Variants in XNDC1N observed in about 807,000 individuals in gnomAD.
XNDC1N encodes the protein protein XNDC1N.
At chr11:71,905,574 A>G in the XNDC1N span, among the ~76,000 whole-genome samples, 25 of 152,018 alleles carry the variant, frequency 1.6e-4, no homozygotes, top group African/African-American at 5.1e-4. Context: ...TGATATCACA[A>G]GGTGTACACT....
At chr11:71,925,284 T>C in the XNDC1N span, among the ~76,000 whole-genome samples, 3 of 152,008 alleles carry the variant, frequency 2.0e-5, no homozygotes. Flanking sequence ...GTGTACCCAA[T>C]GTAAAAGGGA....
the XNDC1N span, among the ~76,000 whole-genome samples, chr11:71,867,714 T>A: frequency 1.3e-5 from 2 of 152,228 alleles, no homozygotes; most frequent in Non-Finnish European, 1.5e-5. Context: ...GCCAATCACA[T>A]GGTTGATTTT....
chr11:71,893,900 T>A, the XNDC1N span: 3 of 980,388 alleles, frequency 3.1e-6, no homozygotes, highest in Non-Finnish European at 4.3e-6. Flanking sequence ...TGTGTCTTCT[T>A]CGTTTTGGTG....
chr11:71,881,381 T>G, the XNDC1N span, among the ~76,000 whole-genome samples: 6,834 of 152,238 alleles, frequency 0.045, 523 homozygotes, highest in African/African-American at 0.16. Flanking sequence ...AAGTACCACA[T>G]AATGGGTGCC....
At chr11:71,894,789 T>C in the XNDC1N span, among the ~76,000 whole-genome samples, 1 of 152,236 alleles carries the variant, frequency 6.6e-6, no homozygotes, top group African/African-American at 2.4e-5. Context: ...CATTGGTTGT[T>C]CAAAGTTATG....
At chr11:71,926,793 G>C in the XNDC1N span, among the ~76,000 whole-genome samples, 2 of 150,530 alleles carry the variant, frequency 1.3e-5, no homozygotes, top group East Asian at 2.0e-4. Flanking sequence ...CCCAGCTACT[G>C]AGGAGGCTGA....
chr11:71,915,253 C>T, the XNDC1N span, among the ~76,000 whole-genome samples: 3 of 152,116 alleles, frequency 2.0e-5, no homozygotes, highest in Non-Finnish European at 4.4e-5. Flanking sequence ...TTGAGACCAC[C>T]GTGGCTAACA....
chr11:71,869,756 C>T, the XNDC1N span, among the ~76,000 whole-genome samples: 8 of 152,162 alleles, frequency 5.3e-5, no homozygotes, highest in African/African-American at 7.2e-5. Context: ...CATTTCAGCC[C>T]AGTTAAGAAC....
chr11:71,920,964 CAATAAGTAAATA>C, the XNDC1N span, among the ~76,000 whole-genome samples: 36 of 152,054 alleles, frequency 2.4e-4, no homozygotes, highest in African/African-American at 7.5e-4. Context: ...GACCCTATCT[CAATAAGTAAATA>C]AATAAGTAAA....
chr11:71,867,426 C>T, the XNDC1N span, among the ~76,000 whole-genome samples: 1 of 152,152 alleles, frequency 6.6e-6, no homozygotes, highest in Non-Finnish European at 1.5e-5. Context: ...AGGCCCATGC[C>T]CCTGGGAGTA....
the XNDC1N span, among the ~76,000 whole-genome samples, chr11:71,888,660 C>T: frequency 7.2e-5 from 11 of 152,298 alleles, no homozygotes; most frequent in African/African-American, 2.6e-4. Flanking sequence ...TGTTGGAGGG[C>T]CTTGGCAGCA....
the XNDC1N span, among the ~76,000 whole-genome samples, chr11:71,892,768 G>C: frequency 1.3e-5 from 2 of 152,018 alleles, no homozygotes; most frequent in South Asian, 4.1e-4. Flanking sequence ...TGATCCATCA[G>C]CCTCGGCCGC....
At chr11:71,886,824 C>T in the XNDC1N span, among the ~76,000 whole-genome samples, 10 of 152,080 alleles carry the variant, frequency 6.6e-5, no homozygotes, top group African/African-American at 1.9e-4. Context: ...AGGTCAGGCC[C>T]GGCGATATGC....
At chr11:71,886,108 A>T in the XNDC1N span, among the ~76,000 whole-genome samples, 11 of 152,274 alleles carry the variant, frequency 7.2e-5, no homozygotes, top group East Asian at 1.4e-3. Flanking sequence ...GTAGACTGGG[A>T]TAGATGAGGA....
At chr11:71,904,991 A>G in the XNDC1N span, among the ~76,000 whole-genome samples, 1 of 152,018 alleles carries the variant, frequency 6.6e-6, no homozygotes, top group Non-Finnish European at 1.5e-5. Context: ...GATATAACGA[A>G]TAATATCAGG....
At chr11:71,884,587 C>A in the XNDC1N span, 1 of 1,577,198 alleles carries the variant, frequency 6.3e-7, no homozygotes, top group Non-Finnish European at 8.6e-7. Context: ...CTTCTTCAGA[C>A]TCCAGGAGAA....
chr11:71,909,075 T>C, the XNDC1N span, among the ~76,000 whole-genome samples: 1 of 152,070 alleles, frequency 6.6e-6, no homozygotes, highest in Non-Finnish European at 1.5e-5. Flanking sequence ...GTATACTCCC[T>C]GTGATCCCGA....
chr11:71,914,618 C>T, the XNDC1N span, among the ~76,000 whole-genome samples: 6 of 150,656 alleles, frequency 4.0e-5, no homozygotes, highest in Admixed American at 1.3e-4. Flanking sequence ...ACCCGGGAGG[C>T]AGAGGTTGCA....
chr11:71,897,138 A>G, the XNDC1N span, among the ~76,000 whole-genome samples: 1 of 152,226 alleles, frequency 6.6e-6, no homozygotes, highest in African/African-American at 2.4e-5. Context: ...AAAAGAAAAC[A>G]TTGGCCACGC....
Sources: allele counts gnomAD v4.1 joint callset (sites outside exome capture counted in the v4.1 genomes callset), GRCh38; gene constraint gnomAD v4.1.1; transcripts MANE v1.5; gene names NCBI Gene and HGNC (gene_info 2026-07-23, HGNC 2026-07-21).